TSHZ2: variants seen among roughly 807,000 people sequenced by gnomAD.
TSHZ2 encodes teashirt zinc finger homeobox 2, also known as teashirt homolog 2.
In TSHZ2, 21 loss-of-function variants were observed where a neutral mutation model predicts 74.4. The observed-to-expected ratio is 0.28, with a 90% CI of 0.20 to 0.41. The LOEUF (loss-of-function observed/expected upper bound fraction) is 0.41. TSHZ2 is among the 10% of genes least tolerant of loss of function. The pLI, the probability that TSHZ2 is intolerant of heterozygous loss-of-function variation, is 1.00. For synonymous variants in TSHZ2, 540 were observed against 515.3 expected, an observed-to-expected ratio of 1.05 and a Z score of -0.65; for missense variants, 1,244 against 1,293.5, an observed-to-expected ratio of 0.96 and a Z score of 0.59.
chr20:53,200,511 G>A (rs1443621891), intron 1 of TSHZ2, among the ~76,000 whole-genome samples: 1 of 152,202 alleles, frequency 6.6e-6, no homozygotes, highest in Non-Finnish European at 1.5e-5. Flanking sequence ...ATGTGAGAAT[G>A]CTTATGTTTC....
chr20:53,051,693 G>A (rs1222747631), intron 1 of TSHZ2, among the ~76,000 whole-genome samples: 2 of 152,226 alleles, frequency 1.3e-5, no homozygotes, highest in African/African-American at 4.8e-5. Context: ...AAGAGCCACA[G>A]AAGTGGAAAA....
intron 2 of TSHZ2, among the ~76,000 whole-genome samples, chr20:53,473,020 T>G (rs1018334285): frequency 1.3e-5 from 2 of 151,444 alleles, no homozygotes; most frequent in Admixed American, 6.6e-5. Context: ...CCACGGAGTC[T>G]CGCTGATTGC....
chr20:53,270,457 G>C (rs1320223097), intron 2 of TSHZ2, among the ~76,000 whole-genome samples: 2 of 152,164 alleles, frequency 1.3e-5, no homozygotes, highest in African/African-American at 2.4e-5. Flanking sequence ...AGCCCTCAGA[G>C]ATGTGAAGTG....
intron 1 of TSHZ2, among the ~76,000 whole-genome samples, chr20:53,136,794 GA>G (rs975914966): frequency 5.6e-4 from 81 of 145,374 alleles, no homozygotes; most frequent in South Asian, 8.7e-4. Context: ...ACCATTACAG[GA>G]AAAAAAAAAA....
At chr20:53,121,424 G>T (rs1013794255) in intron 1 of TSHZ2, among the ~76,000 whole-genome samples, 3 of 43,820 alleles carry the variant, frequency 6.8e-5, no homozygotes, top group African/African-American at 1.1e-4. Flanking sequence ...CTTTTCAGAG[G>T]ATTATGTTTC....
Position 52,973,010 on chromosome 20 carries a change from G to GA in TSHZ2, c.-283dup. The GA allele has an allele frequency of 2.6e-6, 1 of 389,390 alleles. No individual in the cohort carries two copies. Among genetic ancestry groups the GA allele is most frequent in the African/African-American group, 2.2e-5 (1 of 46,154 alleles). The allele number at this position is 389,390 out of a possible 1,614,324, so 24.1% of individuals were successfully genotyped here. A position where few individuals can be genotyped will look rare whatever the true frequency, so the allele number is the denominator to read the frequency against. On this transcript the variant is annotated 5_prime_UTR_variant, in exon 1 of 3. An upstream open reading frame in the 5' UTR gains an earlier in-frame stop. Transcript: ENST00000371497. ...TCCAAAAGCAAAAACAAAAAAGAGA[G>GA]AGGAAAAAAAATTCAAAATAAACAA...
Position 53,255,518 on chromosome 20 carries a change from C to T in TSHZ2, c.2060C>T (p.Pro687Leu), listed in dbSNP as rs757806984. 31 of 1,588,330 alleles carry T rather than the reference C, an allele frequency of 2.0e-5. No homozygotes were observed. The highest frequency in any genetic ancestry group is 2.3e-5 in the South Asian group (2 of 87,018). Reference sequence around the variant, plus strand: ...GGGTGCGCCCTCGCCAACCACGCCCCGGCCCTGCCATGCATCAACCCACTC... The same window carrying T: ...GGGTGCGCCCTCGCCAACCACGCCCTGGCCCTGCCATGCATCAACCCACTC... ...SNGCALANHA[P>L]ALPCINPLSA... Residue 687 changes from proline to leucine, a missense_variant, in exon 2 of 3, where the codon CCG becomes CTG. Transcript: ENST00000371497. This position sits in a 1 kb window ranked among gnomAD's most constrained non-coding sequence, Gnocchi z 4.1.
chr20:53,351,136 C>T (rs193101485), intron 2 of TSHZ2, among the ~76,000 whole-genome samples: 70 of 152,300 alleles, frequency 4.6e-4, no homozygotes, highest in Admixed American at 1.8e-3. Flanking sequence ...CCAAATTGGA[C>T]GAGACTAACT....
At chr20:53,140,315 C>T (rs1271321947) in intron 1 of TSHZ2, among the ~76,000 whole-genome samples, 2 of 151,580 alleles carry the variant, frequency 1.3e-5, no homozygotes, top group African/African-American at 2.4e-5. Flanking sequence ...CTGAGGCGGG[C>T]AGATCACGAG....
intron 1 of TSHZ2, among the ~76,000 whole-genome samples, chr20:52,986,256 G>A (rs558538077): frequency 3.5e-4 from 53 of 151,862 alleles, no homozygotes; most frequent in African/African-American, 1.2e-3. Flanking sequence ...AAAATTAGCC[G>A]GGCGTGGTGG....
chr20:53,417,389 C>A (rs1395270565), intron 2 of TSHZ2, among the ~76,000 whole-genome samples: 1 of 152,046 alleles, frequency 6.6e-6, no homozygotes, highest in African/African-American at 2.4e-5. Context: ...CTCTGCCTCC[C>A]AGGTTCAAGC....
At chr20:53,217,172 A>G (rs1342193196) in intron 1 of TSHZ2, among the ~76,000 whole-genome samples, 2 of 152,018 alleles carry the variant, frequency 1.3e-5, no homozygotes, top group African/African-American at 2.4e-5. Context: ...TGTCCTCCCA[A>G]GTTGTGAAAG....
chr20:53,200,026 G>T (rs181481852), intron 1 of TSHZ2, among the ~76,000 whole-genome samples: 1 of 152,336 alleles, frequency 6.6e-6, no homozygotes, highest in East Asian at 1.9e-4. Context: ...TTTATCAGAT[G>T]AGGGTAGTTT....
chr20:53,305,959 C>G (rs140771733), intron 2 of TSHZ2, among the ~76,000 whole-genome samples: 3 of 146,052 alleles, frequency 2.1e-5, no homozygotes, highest in Non-Finnish European at 3.0e-5. Flanking sequence ...GCCTGGGCAG[C>G]AGAGCAAGAC....
intron 1 of TSHZ2, among the ~76,000 whole-genome samples, chr20:53,031,254 G>C (rs1406177103): frequency 6.6e-6 from 1 of 152,168 alleles, no homozygotes; most frequent in African/African-American, 2.4e-5. Context: ...TGCTATCGCA[G>C]CCTGTCATGT....
intron 2 of TSHZ2, among the ~76,000 whole-genome samples, chr20:53,381,737 G>A (rs757763102): frequency 4.6e-5 from 7 of 152,130 alleles, no homozygotes; most frequent in African/African-American, 9.7e-5. Context: ...AGAAATTGGC[G>A]ATTTGTCTGG....
chr20:53,245,180 G>A (rs1448364824), intron 1 of TSHZ2, among the ~76,000 whole-genome samples: 1 of 152,146 alleles, frequency 6.6e-6, no homozygotes, highest in Non-Finnish European at 1.5e-5. Context: ...TTAAGAAGCA[G>A]ATACTATTAT....
chr20:53,306,683 G>A (rs894142356), intron 2 of TSHZ2, among the ~76,000 whole-genome samples: 16 of 152,200 alleles, frequency 1.1e-4, no homozygotes, highest in Admixed American at 1.0e-3. Flanking sequence ...ACAAGATGTC[G>A]TTAAACAGTT....
chr20:53,413,419 C>T (rs1343608253), intron 2 of TSHZ2, among the ~76,000 whole-genome samples: 1 of 152,228 alleles, frequency 6.6e-6, no homozygotes, highest in Non-Finnish European at 1.5e-5. Context: ...TGAATCCCAG[C>T]ACTTTGCGGG....
Sources: allele counts gnomAD v4.1 joint callset (sites outside exome capture counted in the v4.1 genomes callset), GRCh38; gene constraint gnomAD v4.1.1; non-coding constraint Gnocchi (gnomAD v3.1); transcripts MANE v1.5; gene names NCBI Gene and HGNC (gene_info 2026-07-23, HGNC 2026-07-21).